COL4A2: variants seen among roughly 807,000 people sequenced by gnomAD.
The protein encoded by COL4A2 is collagen alpha-2(IV) chain.
COL4A2 carries 99 observed loss-of-function variants against 200.2 expected under a neutral mutation model. The observed-to-expected ratio is 0.49, with a 90% confidence interval of 0.42 to 0.58. The LOEUF is 0.58. COL4A2 is among the 20% of genes least tolerant of loss of function. COL4A2 has a pLI of 0.00. For synonymous variants in COL4A2, 897 were observed against 900.6 expected (o/e 1.00, Z 0.07); for missense variants, 1,950 against 2,314.1 (o/e 0.84, Z 3.23).
chr13:110,425,939 A>G (rs1355849810), intron 6 of COL4A2, among the ~76,000 whole-genome samples: 1 of 152,178 alleles, frequency 6.6e-6, no homozygotes, highest in Non-Finnish European at 1.5e-5. Flanking sequence ...AGGGCAAAAT[A>G]AAGGAAGTCA....
intron 4 of COL4A2, among the ~76,000 whole-genome samples, chr13:110,377,789 G>A (rs1015532517): frequency 2.6e-5 from 4 of 152,260 alleles, no homozygotes; most frequent in South Asian, 4.2e-4. Flanking sequence ...ATCTGAATAC[G>A]TACTTTATAA....
chr13:110,337,714 C>CT (rs1456184819), intron 3 of COL4A2, among the ~76,000 whole-genome samples: 2 of 152,216 alleles, frequency 1.3e-5, no homozygotes, highest in Non-Finnish European at 2.9e-5. Flanking sequence ...GCTGGAGGCT[C>CT]TAAGAATCTG....
In COL4A2 at chr13:110,479,716, G is replaced by A. The variant is rs182584322; in HGVS notation, c.2588-504G>A. The stretch of plus-strand genomic sequence containing the variant: ...GGCTTGGAGTCGGGGGAGGCGGGAG[G>A]ACAGCTGTGGGCGGGAGCTGCCAAG... On this transcript the variant is annotated intron_variant, in intron 30 of 47. Coordinates refer to ENST00000360467, the MANE Select transcript of COL4A2 (RefSeq NM_001846.4). Among the ~76,000 whole-genome samples, 1,202 of 152,320 alleles carry A rather than the reference G, an allele frequency of 7.9e-3. 5 individuals carry two copies. The highest frequency in any genetic ancestry group is 0.014 in the Non-Finnish European group (939 of 68,018).
At position 110,489,761 on chromosome 13, in the gene COL4A2, G is replaced by A. The variant is rs1883224272; in HGVS notation, c.3322G>A (p.Glu1108Lys). The part of the protein sequence containing the change: ...NLPGRPGLKG[E>K]RGTTGIPGLK... ...ACCAGGAAGACCAGGCCTGAAGGGGGAGCGGGGCACCACTGGAATACCAGG... is the reference window on the plus strand; with the variant it reads ...ACCAGGAAGACCAGGCCTGAAGGGGAAGCGGGGCACCACTGGAATACCAGG... Residue 1108 changes from glutamate to lysine, a missense_variant, in exon 36 of 48, where the codon GAG becomes AAG. Around this residue, in one of 2 missense-constraint regions of COL4A2, gnomAD observed 1,385 missense variants for 1,720.5 expected, o/e 0.80. Coordinates refer to ENST00000360467, the MANE Select transcript of COL4A2 (RefSeq NM_001846.4). 2 of 1,612,910 alleles carry A rather than the reference G, an allele frequency of 1.2e-6. No individual in the cohort carries two copies. Among genetic ancestry groups the A allele is most frequent in the Admixed American group, 1.7e-5 (1 of 59,778 alleles).
rs550224948 is a variant in COL4A2 at position 110,507,228 on chromosome 13, C to G, written c.4594+622C>G. Among the ~76,000 whole-genome samples the G allele has an allele frequency of 5.9e-5, 9 of 152,306 alleles. No individual in the cohort carries two copies. In the South Asian group the frequency reaches 1.7e-3, roughly 28 times the overall value. ...CAGGTTACATCAGGCGTTCTGCCCC[C>G]GGGAAGCATGTTGCTGGCTCATGGT... On this transcript the variant is annotated intron_variant, in intron 46 of 47. Coordinates refer to ENST00000360467, the MANE Select transcript of COL4A2 (RefSeq NM_001846.4).
intron 8 of COL4A2, 155 bp from the exon 9 acceptor site, chr13:110,430,246 A>C: frequency 1.2e-6 from 1 of 860,602 alleles, no homozygotes; most frequent in Non-Finnish European, 1.6e-6. Flanking sequence ...ACTAAATAAC[A>C]ATATTAGTAA....
At chr13:110,410,453 G>A (rs1594198771) in intron 4 of COL4A2, among the ~76,000 whole-genome samples, 1 of 152,114 alleles carries the variant, frequency 6.6e-6, no homozygotes. Flanking sequence ...AGCCCCTTGG[G>A]GTTCAGTGAC....
intron 3 of COL4A2, among the ~76,000 whole-genome samples, chr13:110,310,757 G>A (rs574008815): frequency 5.3e-5 from 8 of 152,316 alleles, no homozygotes; most frequent in African/African-American, 1.9e-4. Context: ...CAGCTAGGAT[G>A]GGCAGTGAAG....
rs77528809 is a variant in COL4A2, at chr13:110,467,190, A to T, written c.2095+94A>T. ...CCGCCCATCTTTCCTCTGGTCCTGC[A>T]TCCCCCACCCCAGACATGGTCGTGT... On this transcript the variant is annotated intron_variant, in intron 27 of 47. Transcript: ENST00000360467. The T allele has an allele frequency of 4.3e-4, 652 of 1,509,706 alleles. 6 individuals carry two copies. The African/African-American group carries it at 7.9e-3, about 18-fold the overall frequency. 93.5% of individuals were successfully genotyped at this position (1,509,706 alleles called of 1,614,324 possible).
chr13:110,510,020 T>G (rs996122960), intron 47 of COL4A2, among the ~76,000 whole-genome samples: 4 of 152,200 alleles, frequency 2.6e-5, no homozygotes, highest in Admixed American at 2.6e-4. Context: ...TAAATACTCT[T>G]TGATCCCTTC....
rs1232831322 is a variant in COL4A2, at chr13:110,438,807, C to CT, written c.912+139_912+140insT. 132 of 771,982 alleles carry CT rather than the reference C, an allele frequency of 1.7e-4. 3 individuals carry two copies. The highest frequency in any genetic ancestry group is 1.6e-3 in the South Asian group (95 of 58,760). 47.8% of individuals were successfully genotyped at this position (771,982 alleles called of 1,614,324 possible). Reference sequence around the variant, plus strand: ...ATTTCCCGTTATTACTCCCCACCCCCCCCCACACACACACACAGCAGCCCC... The same window carrying CT: ...ATTTCCCGTTATTACTCCCCACCCCCTCCCCACACACACACACAGCAGCCCC... On this transcript the variant is annotated intron_variant, in intron 15 of 47. Transcript: ENST00000360467.
intron 7 of COL4A2, 111 bp from the exon 8 acceptor site, chr13:110,429,774 A>T (rs1880604912): frequency 4.9e-6 from 5 of 1,016,146 alleles, no homozygotes; most frequent in Non-Finnish European, 7.4e-6. Flanking sequence ...AAGAACAATT[A>T]GACCTTGCCC....
intron 39 of COL4A2, among the ~76,000 whole-genome samples, chr13:110,494,331 GA>G (rs35473461): frequency 0.45 from 68,283 of 151,908 alleles, 16,541 homozygotes; most frequent in South Asian, 0.62. Flanking sequence ...CATAGTGCAG[GA>G]AGGCTTGGCA....
chr13:110,470,235 T>C (rs1178133641), intron 28 of COL4A2, among the ~76,000 whole-genome samples: 1 of 152,098 alleles, frequency 6.6e-6, no homozygotes, highest in African/African-American at 2.4e-5. Context: ...TTCAATAGTG[T>C]TTGTCTAATG....
At position 110,508,172 on chromosome 13, in the gene COL4A2, A is replaced by G. The variant is rs1883955737; in HGVS notation, c.4832A>G (p.His1611Arg). The change falls in exon 47 of 48, where the codon CAC becomes CGC. Residue 1611 changes from histidine to arginine, a missense_variant. By Grantham distance (29) the His-to-Arg change is conservative. Coordinates refer to ENST00000360467, the MANE Select transcript of COL4A2 (RefSeq NM_001846.4). This position sits in a 1 kb window ranked among gnomAD's most constrained non-coding sequence, Gnocchi z 6.1. The part of the protein sequence containing the change: ...AVHSQDVSIP[H>R]CPAGWRSLWI... The stretch of plus-strand genomic sequence containing the variant: ...CACAGTCAGGATGTCTCCATCCCAC[A>G]CTGCCCAGCTGGGTGGCGGAGTTTG... 10 of 1,614,220 alleles carry G rather than the reference A, an allele frequency of 6.2e-6. No homozygotes were observed. The highest frequency in any genetic ancestry group is 6.8e-6 in the Non-Finnish European group (8 of 1,180,032).
intron 22 of COL4A2, chr13:110,459,665 C>G (rs916834658): frequency 1.3e-5 from 2 of 152,138 alleles, no homozygotes; most frequent in Non-Finnish European, 2.9e-5. Flanking sequence ...GTGATGGTTG[C>G]ACAACCTTGT....
chr13:110,311,511 C>T (rs556232372), intron 3 of COL4A2, among the ~76,000 whole-genome samples: 2 of 152,244 alleles, frequency 1.3e-5, no homozygotes, highest in East Asian at 3.9e-4. Context: ...TTCTCCTCTC[C>T]CCCAAAACGG....
rs532069166 is a variant in COL4A2, at chr13:110,383,150, G to A, written c.180+25598G>A. On this transcript the variant is annotated intron_variant, in intron 4 of 47. Transcript: ENST00000360467. Reference sequence around the variant, plus strand: ...TTTTAATGTTTGCTCAAACTTATGGGGATAGTGCCATGTTCTGCGTATCCA... The same window carrying A: ...TTTTAATGTTTGCTCAAACTTATGGAGATAGTGCCATGTTCTGCGTATCCA... Among the ~76,000 whole-genome samples the A allele has an allele frequency of 2.6e-5, 4 of 152,280 alleles. No homozygotes were observed. In the South Asian group the frequency reaches 8.3e-4, roughly 32 times the overall value.
At chr13:110,479,747 G>A (rs1236750569) in intron 30 of COL4A2, among the ~76,000 whole-genome samples, 6 of 152,196 alleles carry the variant, frequency 3.9e-5, no homozygotes, top group Admixed American at 6.5e-5. Flanking sequence ...CCAAGCTCAC[G>A]ACAGTAGCAG....
Sources: allele counts gnomAD v4.1 joint callset (sites outside exome capture counted in the v4.1 genomes callset), GRCh38; gene constraint gnomAD v4.1.1; regional missense constraint gnomAD v4.1.1; non-coding constraint Gnocchi (gnomAD v3.1); transcripts MANE v1.5; gene names NCBI Gene and HGNC (gene_info 2026-07-23, HGNC 2026-07-21).